The following DTWD2 variants were observed in gnomAD, a reference collection of about 807,000 sequenced individuals.
The protein encoded by DTWD2 is tRNA-uridine aminocarboxypropyltransferase 2.
A neutral mutation model predicts 31.8 loss-of-function variants in DTWD2; 39 were observed. The ratio of observed to expected loss-of-function variants is 1.22; its 90% CI spans 0.95 to 1.60. DTWD2 has a LOEUF of 1.60. DTWD2 is among the 40% of genes most tolerant of loss of function. The pLI is 0.00. For missense variants in DTWD2, 515 were observed against 381.5 expected, an observed-to-expected ratio of 1.35 and a Z score of -2.92; for synonymous variants, 180 against 142.8, an observed-to-expected ratio of 1.26 and a Z score of -1.86.
At chr5:118,885,586 C>T (rs1223291018) in intron 4 of DTWD2, among the ~76,000 whole-genome samples, 5 of 150,314 alleles carry the variant, frequency 3.3e-5, no homozygotes, top group African/African-American at 7.3e-5. Flanking sequence ...GCCAACAGGG[C>T]GAAATCTCGT....
intron 4 of DTWD2, among the ~76,000 whole-genome samples, chr5:118,860,293 A>G (rs1270275701): frequency 1.3e-5 from 2 of 150,762 alleles, no homozygotes; most frequent in Admixed American, 6.6e-5. Flanking sequence ...CACAAAATGT[A>G]TGCTATAAAC....
chr5:118,863,103 T>G (rs575459628), intron 4 of DTWD2, among the ~76,000 whole-genome samples: 67 of 152,312 alleles, frequency 4.4e-4, no homozygotes, highest in African/African-American at 1.6e-3. Flanking sequence ...ACATATTCTG[T>G]TATATATAGG....
At chr5:118,987,664 C>T (rs1755457789) in intron 1 of DTWD2, among the ~76,000 whole-genome samples, 1 of 152,204 alleles carries the variant, frequency 6.6e-6, no homozygotes, top group African/African-American at 2.4e-5. Flanking sequence ...AACATGAACT[C>T]CACTGCATTG....
intron 4 of DTWD2, among the ~76,000 whole-genome samples, chr5:118,918,348 A>G (rs1454594309): frequency 6.6e-6 from 1 of 151,260 alleles, no homozygotes; most frequent in Non-Finnish European, 1.5e-5. Context: ...TTTTTTTGAG[A>G]TGGAGTCTCG....
intron 1 of DTWD2, among the ~76,000 whole-genome samples, chr5:118,979,196 C>T (rs183949635): frequency 6.6e-5 from 10 of 151,288 alleles, no homozygotes; most frequent in East Asian, 2.0e-4. Flanking sequence ...CCCAGCTACT[C>T]GGGAGGCTGA....
At chr5:118,893,012 G>T (rs189999949) in intron 4 of DTWD2, among the ~76,000 whole-genome samples, 74 of 147,522 alleles carry the variant, frequency 5.0e-4, no homozygotes, top group African/African-American at 1.1e-3. Context: ...GGAAAATATT[G>T]TTAAGTTAAA....
At chr5:118,941,984 G>A (rs971886223) in intron 2 of DTWD2, among the ~76,000 whole-genome samples, 1 of 152,204 alleles carries the variant, frequency 6.6e-6, no homozygotes, top group Non-Finnish European at 1.5e-5. Context: ...CTTCTTTTGA[G>A]AAGTGTCTGT....
chr5:118,872,060 G>A (rs1022294378), intron 4 of DTWD2, among the ~76,000 whole-genome samples: 1 of 152,154 alleles, frequency 6.6e-6, no homozygotes, highest in Non-Finnish European at 1.5e-5. Context: ...CAAACCTCAT[G>A]AACCAACCAC....
At chr5:118,973,606 C>T (rs991420086) in intron 1 of DTWD2, among the ~76,000 whole-genome samples, 9 of 148,434 alleles carry the variant, frequency 6.1e-5, no homozygotes, top group Admixed American at 1.3e-4. Flanking sequence ...GTTCCTCGTC[C>T]GCCTCCTTGC....
At chr5:118,988,255 G>T (rs1384420418) in intron 1 of DTWD2, 39 bp downstream of exon 1, 2 of 1,530,084 alleles carry the variant, frequency 1.3e-6, no homozygotes, top group South Asian at 2.4e-5. Context: ...TCCGAAGGCC[G>T]CTGCCGGCTG....
intron 4 of DTWD2, among the ~76,000 whole-genome samples, chr5:118,897,186 A>G (rs1259738039): frequency 2.6e-5 from 4 of 152,222 alleles, no homozygotes; most frequent in Non-Finnish European, 5.9e-5. Flanking sequence ...CAGCCAGGAG[A>G]AAACTCACAT....
intron 5 of DTWD2, among the ~76,000 whole-genome samples, chr5:118,847,244 G>A (rs944072289): frequency 1.3e-5 from 2 of 152,016 alleles, no homozygotes; most frequent in East Asian, 1.9e-4. Flanking sequence ...AAAGAAAGAA[G>A]GCAGGAAAGA....
At chr5:118,968,839 C>A (rs1231523394) in intron 1 of DTWD2, among the ~76,000 whole-genome samples, 1 of 152,182 alleles carries the variant, frequency 6.6e-6, no homozygotes, top group African/African-American at 2.4e-5. Context: ...TCTGCAGGCC[C>A]CACTCCCATG....
intron 4 of DTWD2, among the ~76,000 whole-genome samples, chr5:118,918,058 CCACCCCCAACA>C (rs1480638057): frequency 6.6e-6 from 1 of 151,960 alleles, no homozygotes; most frequent in Non-Finnish European, 1.5e-5. Flanking sequence ...CAATGAGGTC[CCACCCCCAACA>C]CATGGGGATT....
rs1561478049 is a variant in DTWD2 at position 118,973,642 on chromosome 5, AGCCTCCTTGCTCGCG to A, written c.218+14637_218+14651del. On this transcript the variant is annotated intron_variant, in intron 1 of 5. Coordinates refer to ENST00000510708, the MANE Select transcript of DTWD2 (RefSeq NM_173666.4). ...TCGCGGCAGCCTCCTTGCTCGCGGC[AGCCTCCTTGCTCGCG>A]GCAGCCTCCTTGCTCGCCGCAGCCG... Among the ~76,000 whole-genome samples the A allele has an allele frequency of 1.7e-4, 26 of 149,164 alleles. No individual in the cohort carries two copies. The East Asian group carries it at 1.8e-3, about 11-fold the overall frequency.
intron 4 of DTWD2, among the ~76,000 whole-genome samples, chr5:118,881,912 T>C (rs1026447025): frequency 6.6e-6 from 1 of 152,168 alleles, no homozygotes; most frequent in Non-Finnish European, 1.5e-5. Context: ...TATCATTCCG[T>C]CCCTGCCCCC....
At chr5:118,952,051 A>G (rs1030833028) in intron 1 of DTWD2, among the ~76,000 whole-genome samples, 2 of 152,226 alleles carry the variant, frequency 1.3e-5, no homozygotes, top group African/African-American at 2.4e-5. Context: ...AAGGTGGCGC[A>G]GAAATTGAAA....
intron 3 of DTWD2, among the ~76,000 whole-genome samples, chr5:118,931,294 C>T (rs1433024283): frequency 6.7e-6 from 1 of 150,226 alleles, no homozygotes; most frequent in Non-Finnish European, 1.5e-5. Flanking sequence ...ACTCGGGAAG[C>T]GGAGGCAGGA....
At chr5:118,984,844 T>C (rs1186669561) in intron 1 of DTWD2, among the ~76,000 whole-genome samples, 3 of 152,204 alleles carry the variant, frequency 2.0e-5, no homozygotes. Flanking sequence ...TATAAAAGTA[T>C]AATTAAGATG....
Sources: gnomAD v4.1 joint callset for allele counts (sites outside exome capture counted in the v4.1 genomes callset) on GRCh38, gnomAD v4.1.1 for gene constraint, MANE v1.5 for transcripts, NCBI Gene and HGNC (gene_info 2026-07-23, HGNC 2026-07-21) for gene names.